SLC41A1: variants seen among roughly 807,000 people sequenced by gnomAD.
The protein encoded by SLC41A1 is solute carrier family 41 member 1, also known as solute carrier family 41 (magnesium transporter), member 1.
A neutral mutation model predicts 47.3 loss-of-function variants in SLC41A1; 20 were observed. That is an observed-to-expected ratio of 0.42 (90% CI 0.30 to 0.61). The LOEUF is 0.61. Ranked by LOEUF, SLC41A1 falls within the 20% of genes least tolerant of loss-of-function variation. The pLI is 0.17. For missense variants in SLC41A1, 504 were observed against 674.1 expected, an observed-to-expected ratio of 0.75 and a Z score of 2.79; for synonymous variants, 282 against 272.7, an observed-to-expected ratio of 1.03 and a Z score of -0.34.
In SLC41A1 at chr1:205,799,034, C is replaced by A. The variant is rs1426807212; in HGVS notation, c.620G>T (p.Gly207Val). ...AAVVFGWIPD[G>V]HFSIPHAFLL... ...GAAGGCGTGCGGAATACTGAAGTGG[C>A]CATCAGGGATCCAGCCAAAGACGAC... Residue 207 changes from glycine (G) to valine (V), a missense_variant, in exon 5 of 11, where the codon GGC becomes GTC. Physicochemically the swap from Gly to Val is moderately radical, Grantham distance 109. Transcript: ENST00000367137. 2 of 1,613,776 alleles carry A rather than the reference C, an allele frequency of 1.2e-6. No homozygotes were observed. Among genetic ancestry groups the A allele is most frequent in the East Asian group, 4.5e-5 (2 of 44,874 alleles).
At chr1:205,794,810 C>G in intron 10 of SLC41A1, 60 bp downstream of exon 10, 3 of 1,608,196 alleles carry the variant, frequency 1.9e-6, no homozygotes, top group Non-Finnish European at 2.5e-6. Context: ...CTGGCCTCCT[C>G]TCCCATCCCT....
chr1:205,801,166 C>T, intron 2 of SLC41A1, 106 bp from the exon 3 acceptor site: 2 of 892,068 alleles, frequency 2.2e-6, no homozygotes, highest in Non-Finnish European at 3.7e-6. Context: ...ATAGAATCAG[C>T]AGGGAGTGAG....
intron 8 of SLC41A1, 130 bp from the exon 9 acceptor site, chr1:205,795,608 G>T: frequency 8.5e-7 from 1 of 1,171,708 alleles, no homozygotes; most frequent in Non-Finnish European, 1.2e-6. Flanking sequence ...GGTCTATGTG[G>T]GCATCACCCA....
intron 2 of SLC41A1, among the ~76,000 whole-genome samples, chr1:205,804,649 C>T (rs961008994): frequency 1.3e-5 from 2 of 152,154 alleles, no homozygotes; most frequent in Admixed American, 1.3e-4. Context: ...TGCTCTGCTT[C>T]GCCTCCTGCT....
At chr1:205,792,612 G>C (rs1285621603) in intron 10 of SLC41A1, among the ~76,000 whole-genome samples, 1 of 152,200 alleles carries the variant, frequency 6.6e-6, no homozygotes, top group Non-Finnish European at 1.5e-5. Context: ...CATTTAACAA[G>C]ATTTACATGC....
At chr1:205,811,448 T>A (rs1376807868) in intron 1 of SLC41A1, among the ~76,000 whole-genome samples, 1 of 152,196 alleles carries the variant, frequency 6.6e-6, no homozygotes, top group Non-Finnish European at 1.5e-5. Context: ...CCTTCTTGAA[T>A]GCCCATTAAG....
At chr1:205,796,837 A>G in intron 8 of SLC41A1, 87 bp downstream of exon 8, 1 of 1,349,494 alleles carries the variant, frequency 7.4e-7, no homozygotes, top group Non-Finnish European at 1.0e-6. Flanking sequence ...ACCCTGACTG[A>G]TACAGAAACC....
At chr1:205,794,733 C>A (rs115027058) in intron 10 of SLC41A1, 137 bp downstream of exon 10, 20,249 of 1,177,956 alleles carry the variant, frequency 0.017, 244 homozygotes, top group Non-Finnish European at 0.02. Context: ...CTCCTGCACC[C>A]TTGTCTGGTG....
In SLC41A1 at chr1:205,805,051, G is replaced by C. The variant is rs531462052; in HGVS notation, c.373-3991C>G. On this transcript the variant is annotated intron_variant, in intron 2 of 10. Transcript: ENST00000367137. ...AATGCACCCTCTCCTTATAGCTACA[G>C]GAGGATCTACAAAGTACGGAGTGTT... is the stretch of plus-strand genomic sequence containing the variant. Among the ~76,000 whole-genome samples the C allele has an allele frequency of 4.6e-5, 7 of 152,276 alleles. No homozygotes were observed. In the South Asian group the frequency reaches 1.2e-3, roughly 27 times the overall value.
intron 10 of SLC41A1, 27 bp downstream of exon 10, chr1:205,794,843 C>T (rs973619135): frequency 2.5e-5 from 41 of 1,612,986 alleles, no homozygotes; most frequent in African/African-American, 4.0e-5. Context: ...GGCTCCTTCC[C>T]ATGCCCCTGC....
chr1:205,794,987 G>A lies in SLC41A1; in HGVS notation c.1239C>T (p.Phe413=). 1 of 1,614,096 alleles carries A rather than the reference G, an allele frequency of 6.2e-7. No individual in the cohort carries two copies. The highest frequency in any genetic ancestry group is 1.1e-5 in the South Asian group (1 of 91,076). ...CCAGGTGTCCTGGGACCACGAGGAG[G>A]AAGAGGACCCGGGCTGAGCGAGAAT... ...DVNSRSARVL[F]LLVVPGHLVF... Residue 413 remains phenylalanine (F), a synonymous_variant, in exon 10 of 11, where the codon TTC becomes TTT. Coordinates refer to ENST00000367137, the MANE Select transcript of SLC41A1 (RefSeq NM_173854.6).
In SLC41A1 at chr1:205,790,094, A is replaced by G. The variant is rs1390436124; in HGVS notation, c.*1439T>C. The stretch of plus-strand genomic sequence containing the variant: ...GAGGAAGGGTCGTTTAGGGAAATAA[A>G]TACTGGTTGAGCAATGGGGCGGTGG... On this transcript the variant is annotated 3_prime_UTR_variant, in exon 11 of 11. Coordinates refer to ENST00000367137, the MANE Select transcript of SLC41A1 (RefSeq NM_173854.6). 6.6e-6 allele frequency: 1 copy of G among 152,338 alleles called. No individual in the cohort carries two copies. Among genetic ancestry groups the G allele is most frequent in the African/African-American group, 2.4e-5 (1 of 41,448 alleles). 9.4% of individuals were successfully genotyped at this position (152,338 alleles called of 1,614,324 possible). A position where few individuals can be genotyped will look rare whatever the true frequency, so the allele number is the denominator to read the frequency against.
chr1:205,809,555 G>T (rs928279912), intron 2 of SLC41A1, among the ~76,000 whole-genome samples: 3 of 152,296 alleles, frequency 2.0e-5, no homozygotes, highest in Non-Finnish European at 2.9e-5. Flanking sequence ...AGGAAGATAA[G>T]CAACACAAAA....
rs1655623696 is a variant in SLC41A1 at position 205,791,425 on chromosome 1, G to T, written c.*108C>A. 2.0e-5 allele frequency: 26 copies of T among 1,308,830 alleles called. No homozygotes were observed. The highest frequency in any genetic ancestry group is 2.6e-5 in the Non-Finnish European group (24 of 918,538). The allele number at this position is 1,308,830 out of a possible 1,614,324, so 81.1% of individuals were successfully genotyped here. On this transcript the variant is annotated 3_prime_UTR_variant, in exon 11 of 11. Transcript: ENST00000367137. The surrounding 1 kb of genome is among the most constrained non-coding windows in gnomAD (Gnocchi z 4.0). ...AATAATGAGAATTTGGTATCAAAGT[G>T]AAGTCCTAGAAAGAGGTGGGAGTGT...
chr1:205,804,072 G>A (rs1011547790), intron 2 of SLC41A1, among the ~76,000 whole-genome samples: 3 of 152,042 alleles, frequency 2.0e-5, no homozygotes, highest in Non-Finnish European at 2.9e-5. Flanking sequence ...GTGAATATAC[G>A]TAGTACTATT....
chr1:205,806,965 T>A lies in SLC41A1; in HGVS notation c.372+3105A>T, dbSNP rs144751363. ...ATGGGGGCCCTGGACCAAGGAGACA[T>A]CTGAACCAGGCCCAATATGGACTCC... On this transcript the variant is annotated intron_variant, in intron 2 of 10. Coordinates refer to ENST00000367137, the MANE Select transcript of SLC41A1 (RefSeq NM_173854.6). 2.8e-3 allele frequency among the ~76,000 whole-genome samples: 424 copies of A among 152,170 alleles called. 2 individuals carry two copies. Among genetic ancestry groups the A allele is most frequent in the Non-Finnish European group, 4.8e-3 (324 of 67,996 alleles).
chr1:205,796,488 A>C, intron 8 of SLC41A1: 1 of 242,258 alleles, frequency 4.1e-6, no homozygotes, highest in Non-Finnish European at 8.2e-6. Context: ...CATTTTGCAC[A>C]TGCCCAGTTT....
Position 205,803,479 on chromosome 1 carries a change from T to C in SLC41A1, c.373-2419A>G, listed in dbSNP as rs138184231. ...TGCAAAGTGTGGTACATATATACCA[T>C]GGAATATTTCTCAGCCTTAAAAAGG... On this transcript the variant is annotated intron_variant, in intron 2 of 10. Transcript: ENST00000367137. Among the ~76,000 whole-genome samples, 82 of 152,138 alleles carry C rather than the reference T, an allele frequency of 5.4e-4. 2 individuals carry two copies. The highest frequency in any genetic ancestry group is 1.8e-3 in the African/African-American group (76 of 41,480).
At chr1:205,800,095 C>T (rs9438392) in intron 3 of SLC41A1, among the ~76,000 whole-genome samples, 18,445 of 152,270 alleles carry the variant, frequency 0.12, 1,586 homozygotes, top group Non-Finnish European at 0.19. Flanking sequence ...ACCAGCTGAG[C>T]AGAGGCAAAT....
Sources: gnomAD v4.1 joint callset for allele counts (sites outside exome capture counted in the v4.1 genomes callset) on GRCh38, gnomAD v4.1.1 for gene constraint, Gnocchi (gnomAD v3.1) non-coding constraint, MANE v1.5 for transcripts, NCBI Gene and HGNC (gene_info 2026-07-23, HGNC 2026-07-21) for gene names.